OLFM1: variants seen among roughly 807,000 people sequenced by gnomAD.
OLFM1 encodes olfactomedin 1.
OLFM1 carries 9 observed loss-of-function variants against 49.7 expected under a neutral mutation model. That is an observed-to-expected ratio of 0.18 (90% CI 0.11 to 0.32). The LOEUF (loss-of-function observed/expected upper bound fraction) is 0.32, where lower values mean the gene tolerates loss of function less well. OLFM1 is among the 10% of genes least tolerant of loss of function. The pLI, the probability that OLFM1 is intolerant of heterozygous loss-of-function variation, is 1.00. For synonymous variants in OLFM1, 240 were observed against 271.8 expected (o/e 0.88, Z 1.15); for missense variants, 369 against 661.8 (o/e 0.56, Z 4.85).
intron 4 of OLFM1, among the ~76,000 whole-genome samples, chr9:135,100,693 C>A (rs957159438): frequency 2.0e-5 from 3 of 152,150 alleles, no homozygotes; most frequent in African/African-American, 7.2e-5. Flanking sequence ...GTGCGACTCC[C>A]CCAAGGCATT....
intron 5 of OLFM1, among the ~76,000 whole-genome samples, chr9:135,110,592 C>T (rs1831007786): frequency 6.6e-6 from 1 of 152,156 alleles, no homozygotes; most frequent in African/African-American, 2.4e-5. Flanking sequence ...CGTGTGGGTG[C>T]AGGCAGTGAT....
At chr9:135,084,188 C>T (rs1830566645), upstream of OLFM1, among the ~76,000 whole-genome samples, 1 of 152,226 alleles carries the variant, frequency 6.6e-6, no homozygotes, top group African/African-American at 2.4e-5. This position sits in a 1 kb window ranked among gnomAD's most constrained non-coding sequence, Gnocchi z 4.6. Context: ...TTTCCTTGCT[C>T]CTGGAATGTT....
intron 1 of OLFM1, chr9:135,075,991 C>T (rs1263797876): frequency 7.0e-7 from 1 of 1,435,800 alleles, no homozygotes. Flanking sequence ...GGGGTGCAGG[C>T]TGACCGGAGA....
intron 5 of OLFM1, among the ~76,000 whole-genome samples, chr9:135,111,405 G>A (rs1252122005): frequency 6.6e-6 from 1 of 152,170 alleles, no homozygotes; most frequent in Non-Finnish European, 1.5e-5. Context: ...GGCTCTCAGG[G>A]ACTGTAGCGC....
chr9:135,088,170 GCTCCTCCTCCTC>G lies in OLFM1; in HGVS notation c.150+42_150+53del. The G allele has an allele frequency of 2.3e-6, 3 of 1,298,362 alleles. No individual in the cohort carries two copies. Among genetic ancestry groups the G allele is most frequent in the Non-Finnish European group, 2.0e-6 (2 of 1,012,240 alleles). 80.4% of individuals were successfully genotyped at this position (1,298,362 alleles called of 1,614,324 possible). ...TGCGCCCGCCGGCCGCCTTGGCGCG[GCTCCTCCTCCTC>G]CTCCTCCTCCCCCTCCTCGGTCCGG... On this transcript the variant is annotated intron_variant, in intron 1 of 5. Coordinates refer to ENST00000371793, the MANE Select transcript of OLFM1 (RefSeq NM_001282611.2). This position sits in a 1 kb window ranked among gnomAD's most constrained non-coding sequence, Gnocchi z 4.8.
intron 2 of OLFM1, chr9:135,095,249 A>C (rs1008501812): frequency 6.6e-6 from 1 of 152,254 alleles, no homozygotes; most frequent in Admixed American, 6.5e-5. Context: ...TCTACCTATG[A>C]TACTGTGGGG....
rs1830623075 is a variant in OLFM1 at position 135,087,982 on chromosome 9, G to A, written c.-8G>A. 1.4e-6 allele frequency: 2 copies of A among 1,439,632 alleles called. No homozygotes were observed. The highest frequency in any genetic ancestry group is 3.1e-5 in the East Asian group (1 of 32,312). The allele number at this position is 1,439,632 out of a possible 1,614,324, so 89.2% of individuals were successfully genotyped here. On this transcript the variant is annotated 5_prime_UTR_variant, in exon 1 of 6. Transcript: ENST00000371793. ...TCGGAGCGGGCGCTGGAGGCAGCTC[G>A]AGGCGCGATGTCGGTGCCGCTGCTC... is the stretch of plus-strand genomic sequence containing the variant.
chr9:135,091,637 A>ACACACACTCACATAGT (rs1830696632), intron 2 of OLFM1, among the ~76,000 whole-genome samples: 5 of 147,732 alleles, frequency 3.4e-5, no homozygotes, highest in South Asian at 4.3e-4. Context: ...TCACATAGTC[A>ACACACACTCACATAGT]CACACACTCA....
chr9:135,103,419 G>T (rs765727443), intron 4 of OLFM1, among the ~76,000 whole-genome samples: 1 of 152,246 alleles, frequency 6.6e-6, no homozygotes, highest in Non-Finnish European at 1.5e-5. Flanking sequence ...GGCCCTGGGA[G>T]CTGTGCCTAC....
chr9:135,116,799 G>A (rs933143699), intron 5 of OLFM1, among the ~76,000 whole-genome samples: 4 of 151,726 alleles, frequency 2.6e-5, no homozygotes, highest in East Asian at 1.9e-4. Flanking sequence ...TACCCCTCCC[G>A]GTTCTAATCT....
chr9:135,083,775 C>G (rs1830561283), upstream of OLFM1, among the ~76,000 whole-genome samples: 2 of 152,292 alleles, frequency 1.3e-5, no homozygotes, highest in Admixed American at 1.3e-4. Context: ...AGGGAGGGGC[C>G]CTCTCTGGAT....
chr9:135,099,330 G>A (rs1830840463), intron 4 of OLFM1, among the ~76,000 whole-genome samples: 1 of 152,074 alleles, frequency 6.6e-6, no homozygotes, highest in South Asian at 2.1e-4. Flanking sequence ...GGGTAACTTA[G>A]GGTAATTTTA....
rs1187738934 is a variant in OLFM1 at position 135,098,968 on chromosome 9, A to G, written c.676+463A>G. ...TCACATCTCAGTAGAGCTGCCATTC[A>G]CAGCACGGGAGGGAGCCCCTGCTCA... On this transcript the variant is annotated intron_variant, in intron 4 of 5. Coordinates refer to ENST00000371793, the MANE Select transcript of OLFM1 (RefSeq NM_001282611.2). This position sits in a 1 kb window ranked among gnomAD's most constrained non-coding sequence, Gnocchi z 5.6. 6.6e-6 allele frequency among the ~76,000 whole-genome samples: 1 copy of G among 152,242 alleles called. No homozygotes were observed. The highest frequency in any genetic ancestry group is 1.5e-5 in the Non-Finnish European group (1 of 68,044).
chr9:135,093,405 G>T (rs186993555), intron 2 of OLFM1, among the ~76,000 whole-genome samples: 131 of 152,320 alleles, frequency 8.6e-4, no homozygotes, highest in African/African-American at 2.9e-3. Flanking sequence ...ACTTCTCTGA[G>T]CCTTGGTCTC....
chr9:135,120,279 T>A lies in OLFM1; in HGVS notation c.*101T>A. 1 of 1,022,878 alleles carries A rather than the reference T, an allele frequency of 9.8e-7. No homozygotes were observed. The highest frequency in any genetic ancestry group is 1.4e-6 in the Non-Finnish European group (1 of 705,130). 63.4% of individuals were successfully genotyped at this position (1,022,878 alleles called of 1,614,324 possible). ...CCAATAACACTAACAATACCGATCT[T>A]GAAAAATCATCAGCAGTGCGGATTC... On this transcript the variant is annotated 3_prime_UTR_variant, in exon 6 of 6. Coordinates refer to ENST00000371793, the MANE Select transcript of OLFM1 (RefSeq NM_001282611.2).
intron 1 of OLFM1, among the ~76,000 whole-genome samples, chr9:135,078,775 G>A (rs1469668673): frequency 6.6e-6 from 1 of 152,186 alleles, no homozygotes; most frequent in Non-Finnish European, 1.5e-5. Flanking sequence ...AGTGAAGAAT[G>A]TTTTTTGTAC....
At chr9:135,075,509 G>GCGCC (rs1344849774), upstream of OLFM1, 1 of 211,274 alleles carries the variant, frequency 4.7e-6, no homozygotes, top group East Asian at 1.9e-4. Flanking sequence ...GGAGGCAGAC[G>GCGCC]CGCCGGAACC....
At chr9:135,087,338 T>C, upstream of OLFM1, 1 of 1,540,870 alleles carries the variant, frequency 6.5e-7, no homozygotes, top group Non-Finnish European at 8.7e-7. Context: ...AAGCGGACCC[T>C]CTGCGGGGAT....
chr9:135,078,339 C>T (rs552294862), intron 1 of OLFM1, among the ~76,000 whole-genome samples: 7 of 152,254 alleles, frequency 4.6e-5, no homozygotes, highest in Non-Finnish European at 5.9e-5. Flanking sequence ...GAGCATACGT[C>T]GACATAAGAA....
Sources: gnomAD v4.1 joint callset for allele counts (sites outside exome capture counted in the v4.1 genomes callset) on GRCh38, gnomAD v4.1.1 for gene constraint, Gnocchi (gnomAD v3.1) non-coding constraint, MANE v1.5 for transcripts, NCBI Gene and HGNC (gene_info 2026-07-23, HGNC 2026-07-21) for gene names.